FANCD2OS: variants seen among roughly 807,000 people sequenced by gnomAD.
FANCD2OS encodes FANCD2 opposite strand protein.
Under a neutral mutation model 13.2 loss-of-function variants are expected in FANCD2OS, and 11 were observed. That is an observed-to-expected ratio of 0.83 (90% CI 0.52 to 1.38). The LOEUF is 1.38. Among genes scored for constraint, FANCD2OS ranks in the 40% most tolerant of loss-of-function variants. FANCD2OS has a pLI of 0.00. For missense variants in FANCD2OS, 217 were observed against 213.9 expected (o/e 1.01, Z -0.09); for synonymous variants, 69 against 84.5 (o/e 0.82, Z 1.01).
At chr3:10,099,812 A>G (rs1695198591), downstream of FANCD2OS, among the ~76,000 whole-genome samples, 1 of 152,202 alleles carries the variant, frequency 6.6e-6, no homozygotes, top group South Asian at 2.1e-4. Flanking sequence ...CAGGTAGGTT[A>G]TAGACACCAA....
rs780867042 is a variant in FANCD2OS at position 10,088,437 on chromosome 3, C to G, written c.*44-6906G>C. ...CCCATATGTAAGATTCCTTTGTCTT[C>G]TTTTCTAACAGCTTCCCTTGCCAGA... is the stretch of plus-strand genomic sequence containing the variant. On this transcript the variant is annotated intron_variant, in intron 2 of 2. Coordinates refer to the FANCD2OS transcript ENST00000524279. The G allele has an allele frequency of 1.9e-6, 3 of 1,574,704 alleles. No homozygotes were observed. Among genetic ancestry groups the G allele is most frequent in the Admixed American group, 3.3e-5 (2 of 59,940 alleles).
chr3:10,098,216 T>G (rs1695093789), downstream of FANCD2OS, among the ~76,000 whole-genome samples: 1 of 152,188 alleles, frequency 6.6e-6, no homozygotes, highest in Admixed American at 6.5e-5. Context: ...GCATAAAAAT[T>G]GAAGCTCAGA....
chr3:10,096,569 C>A (rs2125095958), intron 2 of FANCD2OS: 1 of 1,120,224 alleles, frequency 8.9e-7, no homozygotes, highest in Non-Finnish European at 1.4e-6. Context: ...CCTCGTCTCT[C>A]AGTAAGGCTA....
chr3:10,108,074 CCCGAGGGTCTGGAGCTGCCGAGAGTG>C lies in FANCD2OS; in HGVS notation c.-94_-69del, dbSNP rs142402454. 0.2 allele frequency: 29,856 copies of C among 152,256 alleles called. 3,402 individuals carry two copies. The highest frequency in any genetic ancestry group is 0.32 in the African/African-American group (13,102 of 41,494). 9.4% of individuals were successfully genotyped at this position (152,256 alleles called of 1,614,324 possible). On this transcript the variant is annotated 5_prime_UTR_variant, in exon 1 of 2. Coordinates refer to ENST00000450660, the MANE Select transcript of FANCD2OS (RefSeq NM_001164839.2). ...GAGGTCCTGAACTGTAAACGGAGAT[CCCGAGGGTCTGGAGCTGCCGAGAGTG>C]CGAGAGGCTCCCACTCCCCGCCGGA...
downstream of FANCD2OS, chr3:10,099,448 C>A (rs1246131426): frequency 3.9e-6 from 2 of 509,486 alleles, no homozygotes; most frequent in South Asian, 6.4e-5. Context: ...CATAACAAGA[C>A]CCTATCTCCA....
intron 2 of FANCD2OS, chr3:10,088,770 T>C: frequency 6.4e-7 from 1 of 1,569,138 alleles, no homozygotes; most frequent in Non-Finnish European, 8.8e-7. Flanking sequence ...ATTAGAGGAA[T>C]CTGTAGTTGT....
At chr3:10,104,984 T>G (rs960961327) in intron 1 of FANCD2OS, among the ~76,000 whole-genome samples, 2 of 152,228 alleles carry the variant, frequency 1.3e-5, no homozygotes, top group South Asian at 4.1e-4. Flanking sequence ...TCTCGCTCTG[T>G]CACTCAGGCT....
At chr3:10,099,407 G>A, downstream of FANCD2OS, 1 of 967,432 alleles carries the variant, frequency 1.0e-6, no homozygotes, top group Non-Finnish European at 1.3e-6. Context: ...AGGATTGCTT[G>A]AGTCCGGGAG....
At position 10,104,616 on chromosome 3, in the gene FANCD2OS, T is replaced by C; in HGVS notation, c.159A>G (p.Gln53=). ...PSDLEVQLCF[Q]EVTLVLDSPF... ...GGCTGTCTAGGACTAGAGTGACCTC[T>C]TGAAAGCACAGCTGCACTTCAAGGT... The change falls in exon 2 of 2, where the codon CAA becomes CAG. Residue 53 remains glutamine, a synonymous_variant. Transcript: ENST00000450660. 2 of 1,614,196 alleles carry C rather than the reference T, an allele frequency of 1.2e-6. No homozygotes were observed. Among genetic ancestry groups the C allele is most frequent in the Non-Finnish European group, 1.7e-6 (2 of 1,180,040 alleles).
intron 2 of FANCD2OS, among the ~76,000 whole-genome samples, chr3:10,086,518 G>A (rs1229189781): frequency 6.6e-6 from 1 of 151,772 alleles, no homozygotes; most frequent in African/African-American, 2.4e-5. Flanking sequence ...TTGAGAGAGA[G>A]TCTCACTTTG....
intron 2 of FANCD2OS, among the ~76,000 whole-genome samples, chr3:10,091,693 A>T (rs1479283195): frequency 1.3e-5 from 2 of 152,006 alleles, no homozygotes; most frequent in East Asian, 3.9e-4. Context: ...GAGGGAAAGG[A>T]AATTAAACTA....
intron 1 of FANCD2OS, among the ~76,000 whole-genome samples, chr3:10,107,329 T>G (rs984122778): frequency 6.6e-6 from 1 of 151,896 alleles, no homozygotes; most frequent in Non-Finnish European, 1.5e-5. Flanking sequence ...GCTCTGTCAC[T>G]CAGTCTGGAG....
chr3:10,105,749 TAAA>T (rs142496934), intron 1 of FANCD2OS, among the ~76,000 whole-genome samples: 5 of 22,266 alleles, frequency 2.2e-4, no homozygotes, highest in Non-Finnish European at 3.6e-4. Context: ...AGACTCCATC[TAAA>T]AAAAAAAAAA....
chr3:10,105,739 A>G (rs1161329481), intron 1 of FANCD2OS, among the ~76,000 whole-genome samples: 3 of 116,608 alleles, frequency 2.6e-5, no homozygotes, highest in Non-Finnish European at 5.2e-5. Context: ...TGAAAGAGCA[A>G]GACTCCATCT....
chr3:10,103,125 G>A (rs1257487521), downstream of FANCD2OS: 6 of 435,804 alleles, frequency 1.4e-5, no homozygotes, highest in East Asian at 7.5e-5. Flanking sequence ...ATTAATGGCC[G>A]GGCGCAGTGG....
At chr3:10,102,269 G>A (rs776996293), downstream of FANCD2OS, among the ~76,000 whole-genome samples, 1 of 150,810 alleles carries the variant, frequency 6.6e-6, no homozygotes, top group Non-Finnish European at 1.5e-5. Flanking sequence ...TCAGCCCCCT[G>A]TATAGGTGGG....
chr3:10,090,117 A>G (rs528854184), intron 2 of FANCD2OS, among the ~76,000 whole-genome samples: 12 of 152,272 alleles, frequency 7.9e-5, no homozygotes, highest in African/African-American at 2.6e-4. Context: ...TTGACAGGCA[A>G]TCTTCTTGGG....
exon 3 of FANCD2OS, chr3:10,081,519 A>G (rs1187842784): frequency 1.5e-5 from 18 of 1,164,306 alleles, no homozygotes; most frequent in Non-Finnish European, 2.1e-5. Flanking sequence ...TTTATTTGAC[A>G]GTCACCAAGG....
At chr3:10,101,367 T>C (rs1695288624), downstream of FANCD2OS, 1 of 779,062 alleles carries the variant, frequency 1.3e-6, no homozygotes, top group Non-Finnish European at 2.1e-6. Context: ...TAGGATCCTT[T>C]TTTGTTCCTC....
Sources: allele counts gnomAD v4.1 joint callset (sites outside exome capture counted in the v4.1 genomes callset), GRCh38; gene constraint gnomAD v4.1.1; transcripts MANE v1.5; gene names NCBI Gene and HGNC (gene_info 2026-07-23, HGNC 2026-07-21).